The following ADARB2 variants were observed in gnomAD, a reference collection of about 807,000 sequenced individuals.
The protein encoded by ADARB2 is adenosine deaminase RNA specific B2 (inactive).
In ADARB2, 25 loss-of-function variants were observed where a neutral mutation model predicts 62.2. That is an observed-to-expected ratio of 0.40 (90% CI 0.29 to 0.56). The LOEUF is 0.56. Ranked by LOEUF, ADARB2 falls within the 20% of genes least tolerant of loss-of-function variation. ADARB2 has a pLI of 0.43. For missense variants in ADARB2, 1,071 were observed against 1,077.4 expected, an observed-to-expected ratio of 0.99 and a Z score of 0.08; for synonymous variants, 572 against 500.8, an observed-to-expected ratio of 1.14 and a Z score of -1.90.
intron 1 of ADARB2, among the ~76,000 whole-genome samples, chr10:1,609,360 CTCTT>C (rs1833538739): frequency 6.6e-6 from 1 of 152,250 alleles, no homozygotes; most frequent in African/African-American, 2.4e-5. Flanking sequence ...CCCTGATTAA[CTCTT>C]TGCTGCCCTG....
chr10:1,386,296 G>T, intron 1 of ADARB2, among the ~76,000 whole-genome samples: 1 of 151,852 alleles, frequency 6.6e-6, no homozygotes, highest in South Asian at 2.1e-4. Context: ...TAGCAATATG[G>T]TACACTTAAA....
chr10:1,563,992 G>T (rs1832824734), intron 1 of ADARB2, among the ~76,000 whole-genome samples: 1 of 149,884 alleles, frequency 6.7e-6, no homozygotes, highest in East Asian at 1.9e-4. Flanking sequence ...AGTATTCCAT[G>T]GTGTATATGT....
chr10:1,712,669 C>A (rs1352289311), intron 1 of ADARB2, among the ~76,000 whole-genome samples: 1 of 29,148 alleles, frequency 3.4e-5, no homozygotes, highest in East Asian at 9.4e-4. Flanking sequence ...GGGCACTGGG[C>A]GGGATCTCGG....
intron 2 of ADARB2, among the ~76,000 whole-genome samples, chr10:1,377,050 T>G (rs12414815): frequency 0.13 from 14,610 of 109,992 alleles, 1,625 homozygotes; most frequent in East Asian, 0.49. Flanking sequence ...GCGCATGTGC[T>G]TGTGTGCTCC....
intron 1 of ADARB2, among the ~76,000 whole-genome samples, chr10:1,648,850 T>C (rs1051245479): frequency 1.3e-5 from 2 of 152,154 alleles, no homozygotes; most frequent in Admixed American, 1.3e-4. Context: ...AGCACCACTG[T>C]TCTCGAGGGG....
At chr10:1,527,448 T>G (rs550409059) in intron 1 of ADARB2, among the ~76,000 whole-genome samples, 1 of 152,308 alleles carries the variant, frequency 6.6e-6, no homozygotes, top group South Asian at 2.1e-4. Context: ...AAAAACTTCT[T>G]CCTCCTTGAT....
At chr10:1,641,832 A>G (rs993798297) in intron 1 of ADARB2, among the ~76,000 whole-genome samples, 15 of 152,234 alleles carry the variant, frequency 9.9e-5, no homozygotes, top group African/African-American at 2.9e-4. Flanking sequence ...GGCCAACACG[A>G]TGAAACCCTG....
chr10:1,734,687 C>T lies in ADARB2; in HGVS notation c.100+2364G>A, dbSNP rs114061479. ...ATTCCCCCATAAGAACAGCCCTTAC[C>T]TTGTGCTTCTGTCAGTGTCTTCAGT... On this transcript the variant is annotated intron_variant, in intron 1 of 9. Coordinates refer to ENST00000381312, the MANE Select transcript of ADARB2 (RefSeq NM_018702.4). Among the ~76,000 whole-genome samples, 969 of 152,288 alleles carry T rather than the reference C, an allele frequency of 6.4e-3. 6 individuals carry two copies. Among genetic ancestry groups the T allele is most frequent in the African/African-American group, 0.021 (884 of 41,568 alleles).
intron 1 of ADARB2, among the ~76,000 whole-genome samples, chr10:1,450,157 C>A (rs936767977): frequency 3.3e-5 from 5 of 152,344 alleles, no homozygotes; most frequent in Admixed American, 3.3e-4. Flanking sequence ...CCCACGCTCC[C>A]GTCGAGAGGG....
intron 1 of ADARB2, among the ~76,000 whole-genome samples, chr10:1,417,412 A>C (rs1832813566): frequency 6.6e-6 from 1 of 152,178 alleles, no homozygotes; most frequent in South Asian, 2.1e-4. Flanking sequence ...AAGAGATCTG[A>C]TGAGCGATTT....
chr10:1,550,091 T>C (rs1339751469), intron 1 of ADARB2, among the ~76,000 whole-genome samples: 1 of 152,158 alleles, frequency 6.6e-6, no homozygotes, highest in Non-Finnish European at 1.5e-5. Context: ...AAGAGATTTT[T>C]CCCTCTTTCC....
chr10:1,223,512 G>A (rs567895426), intron 6 of ADARB2, among the ~76,000 whole-genome samples: 40 of 152,264 alleles, frequency 2.6e-4, no homozygotes, highest in Admixed American at 2.6e-3. Flanking sequence ...GTTTTCAAAG[G>A]GAATGCTTCC....
At chr10:1,527,772 C>T (rs1196954949) in intron 1 of ADARB2, among the ~76,000 whole-genome samples, 2 of 152,132 alleles carry the variant, frequency 1.3e-5, no homozygotes, top group Non-Finnish European at 2.9e-5. Context: ...GGAGAGCCGT[C>T]CAGCGTGAGA....
At chr10:1,461,210 A>G (rs188191218) in intron 1 of ADARB2, among the ~76,000 whole-genome samples, 15 of 152,288 alleles carry the variant, frequency 9.8e-5, no homozygotes, top group Admixed American at 4.6e-4. Context: ...CATCATGACA[A>G]ACGCCCCAGA....
At chr10:1,548,756 G>A (rs1832565408) in intron 1 of ADARB2, among the ~76,000 whole-genome samples, 1 of 152,226 alleles carries the variant, frequency 6.6e-6, no homozygotes, top group Non-Finnish European at 1.5e-5. Flanking sequence ...GAAACTACAT[G>A]GAACCTACCA....
chr10:1,316,977 C>T (rs541466434), intron 3 of ADARB2, among the ~76,000 whole-genome samples: 1 of 152,224 alleles, frequency 6.6e-6, no homozygotes, highest in African/African-American at 2.4e-5. Context: ...CCAGTTAAAG[C>T]CCCGGTCTAA....
chr10:1,440,421 C>T (rs1830891552), intron 1 of ADARB2, among the ~76,000 whole-genome samples: 1 of 127,926 alleles, frequency 7.8e-6, no homozygotes, highest in Non-Finnish European at 1.6e-5. Context: ...GCTACAAACG[C>T]CTTTTTTTTT....
At chr10:1,639,748 A>C (rs1833956817) in intron 1 of ADARB2, among the ~76,000 whole-genome samples, 1 of 152,202 alleles carries the variant, frequency 6.6e-6, no homozygotes, top group African/African-American at 2.4e-5. Context: ...AGGCTGAGGC[A>C]GGGGAATCAC....
intron 4 of ADARB2, among the ~76,000 whole-genome samples, chr10:1,269,157 A>G (rs1831235615): frequency 6.7e-6 from 1 of 150,286 alleles, no homozygotes; most frequent in Admixed American, 6.7e-5. Flanking sequence ...ATACCAAGAC[A>G]CTAATTTAAC....
Sources: allele counts gnomAD v4.1 joint callset (sites outside exome capture counted in the v4.1 genomes callset), GRCh38; gene constraint gnomAD v4.1.1; transcripts MANE v1.5; gene names NCBI Gene and HGNC (gene_info 2026-07-23, HGNC 2026-07-21).